Variants in SOBP observed in about 807,000 individuals in gnomAD.
SOBP encodes sine oculis binding protein homolog.
A neutral mutation model predicts 53.6 loss-of-function variants in SOBP; 4 were observed. The ratio of observed to expected loss-of-function variants is 0.07; its 90% CI spans 0.04 to 0.17. SOBP has a LOEUF of 0.17. Ranked by LOEUF, SOBP falls within the 10% of genes least tolerant of loss-of-function variation. The pLI is 1.00. For synonymous variants in SOBP, 584 were observed against 522.6 expected, an observed-to-expected ratio of 1.12 and a Z score of -1.60; for missense variants, 1,088 against 1,204.7, an observed-to-expected ratio of 0.90 and a Z score of 1.43.
At chr6:107,641,686 G>T (rs1771327232) in intron 6 of SOBP, among the ~76,000 whole-genome samples, 1 of 152,194 alleles carries the variant, frequency 6.6e-6, no homozygotes, top group African/African-American at 2.4e-5. Context: ...TCCCTGACTG[G>T]TTTCCAATGA....
At chr6:107,512,421 TG>T in intron 3 of SOBP, among the ~76,000 whole-genome samples, 1 of 152,252 alleles carries the variant, frequency 6.6e-6, no homozygotes. Context: ...TGGCCTTCTC[TG>T]GTTTTAATTG....
At chr6:107,530,171 A>G (rs1023864658) in intron 3 of SOBP, among the ~76,000 whole-genome samples, 10 of 152,196 alleles carry the variant, frequency 6.6e-5, no homozygotes, top group Non-Finnish European at 1.0e-4. Context: ...AATGTAAGAC[A>G]GGTAATTAGG....
chr6:107,634,846 A>G lies in SOBP; in HGVS notation c.2002A>G (p.Ile668Val). 7.1e-7 allele frequency: 1 copy of G among 1,400,490 alleles called. No individual in the cohort carries two copies. Among genetic ancestry groups the G allele is most frequent in the Non-Finnish European group, 9.3e-7 (1 of 1,073,036 alleles). 86.8% of individuals were successfully genotyped at this position (1,400,490 alleles called of 1,614,324 possible). ...CCACCGAGCCCGGCTGCACAACGTG[A>G]TCCACCGCGCGCTGCACGCGCACGT... is the stretch of plus-strand genomic sequence containing the variant. ...VGHRARLHNVIHRALHAHVKA... is the reference protein window; with the variant it reads ...VGHRARLHNVVHRALHAHVKA... The change falls in exon 6 of 7, where the codon ATC becomes GTC. Residue 668 changes from isoleucine to valine, a missense_variant. Coordinates refer to ENST00000317357, the MANE Select transcript of SOBP (RefSeq NM_018013.4). This position sits in a 1 kb window ranked among gnomAD's most constrained non-coding sequence, Gnocchi z 4.5.
At chr6:107,624,231 A>G (rs1450826823) in intron 5 of SOBP, among the ~76,000 whole-genome samples, 1 of 152,256 alleles carries the variant, frequency 6.6e-6, no homozygotes, top group Non-Finnish European at 1.5e-5. Flanking sequence ...GAAGAATTCC[A>G]CTGGACTCTC....
chr6:107,617,483 G>C (rs1786835963), intron 5 of SOBP, among the ~76,000 whole-genome samples: 1 of 152,196 alleles, frequency 6.6e-6, no homozygotes, highest in African/African-American at 2.4e-5. Context: ...CATCAAAGAT[G>C]TCTTAAGCTA....
chr6:107,521,882 T>A lies in SOBP; in HGVS notation c.422-11577T>A, dbSNP rs181793520. The stretch of plus-strand genomic sequence containing the variant: ...TATGCTCCTGTCTTAACCTGGCTCA[T>A]AGTCTGGTGGAAGAGACAGACATTA... On this transcript the variant is annotated intron_variant, in intron 3 of 6. Coordinates refer to ENST00000317357, the MANE Select transcript of SOBP (RefSeq NM_018013.4). Among the ~76,000 whole-genome samples the A allele has an allele frequency of 6.1e-4, 91 of 149,104 alleles. 1 individual carries two copies. The South Asian group carries it at 8.9e-3, about 15-fold the overall frequency.
intron 4 of SOBP, among the ~76,000 whole-genome samples, chr6:107,541,986 G>A (rs922184217): frequency 1.3e-5 from 2 of 151,030 alleles, no homozygotes; most frequent in African/African-American, 2.4e-5. Flanking sequence ...AAGATATATT[G>A]AGCCTGTATA....
chr6:107,545,129 A>G (rs1470632838), intron 4 of SOBP, among the ~76,000 whole-genome samples: 2 of 152,218 alleles, frequency 1.3e-5, no homozygotes, highest in African/African-American at 4.8e-5. Context: ...AGAATAGTGT[A>G]ATTACTGTCT....
intron 3 of SOBP, among the ~76,000 whole-genome samples, chr6:107,523,358 G>A (rs933953286): frequency 6.6e-6 from 1 of 152,242 alleles, no homozygotes; most frequent in Non-Finnish European, 1.5e-5. Flanking sequence ...ATTTAAAGGT[G>A]AGAAGAGTGA....
rs567072538 is a variant in SOBP, at chr6:107,512,108, A to G, written c.421+5681A>G. 7.2e-5 allele frequency among the ~76,000 whole-genome samples: 11 copies of G among 152,322 alleles called. 1 individual carries two copies. In the East Asian group the frequency reaches 1.5e-3, roughly 21 times the overall value. ...ATATTAGAAAATAATAAAAGTATTGACCAACACTTTCTTTTTGTGCAAACA... is the reference window on the plus strand; with the variant it reads ...ATATTAGAAAATAATAAAAGTATTGGCCAACACTTTCTTTTTGTGCAAACA... On this transcript the variant is annotated intron_variant, in intron 3 of 6. Coordinates refer to ENST00000317357, the MANE Select transcript of SOBP (RefSeq NM_018013.4).
chr6:107,491,743 A>G (rs1381366796), intron 1 of SOBP, among the ~76,000 whole-genome samples: 4 of 152,182 alleles, frequency 2.6e-5, no homozygotes, highest in Non-Finnish European at 5.9e-5. Flanking sequence ...GGTGTTCCCC[A>G]TCTTCTGCAT....
intron 4 of SOBP, among the ~76,000 whole-genome samples, chr6:107,551,451 A>G (rs1469919683): frequency 6.6e-6 from 1 of 152,190 alleles, no homozygotes. Flanking sequence ...GTTTCACAGA[A>G]TCTAAGTCAC....
Position 107,614,103 on chromosome 6 carries a change from T to A in SOBP, c.670-19411T>A, listed in dbSNP as rs568337814. ...TGATGGTCTGGATGTTATGATGCCTTAAGTACAGTAGGAGTAAGGCAGGCG... is the reference window on the plus strand; with the variant it reads ...TGATGGTCTGGATGTTATGATGCCTAAAGTACAGTAGGAGTAAGGCAGGCG... On this transcript the variant is annotated intron_variant, in intron 5 of 6. Transcript: ENST00000317357. Among the ~76,000 whole-genome samples the A allele has an allele frequency of 1.0e-3, 153 of 152,314 alleles. 1 individual carries two copies. Among genetic ancestry groups the A allele is most frequent in the South Asian group, 1.9e-3 (9 of 4,824 alleles).
At position 107,508,957 on chromosome 6, in the gene SOBP, A is replaced by T. The variant is rs1045442667; in HGVS notation, c.421+2530A>T. On this transcript the variant is annotated intron_variant, in intron 3 of 6. Coordinates refer to ENST00000317357, the MANE Select transcript of SOBP (RefSeq NM_018013.4). ...AAGTACATGGGGTTCAGATTCAGAC[A>T]GATTGGGTTCAAATCTAGGCTTTGT... Among the ~76,000 whole-genome samples the T allele has an allele frequency of 2.8e-4, 42 of 152,210 alleles. 1 individual carries two copies. Among genetic ancestry groups the T allele is most frequent in the Non-Finnish European group, 1.5e-5 (1 of 68,038 alleles).
chr6:107,548,550 A>G (rs746414238), intron 4 of SOBP, among the ~76,000 whole-genome samples: 54 of 152,098 alleles, frequency 3.6e-4, no homozygotes, highest in African/African-American at 1.3e-3. Flanking sequence ...CCAACCTATA[A>G]TATAATTTTC....
chr6:107,651,296 G>A (rs1242440610), intron 6 of SOBP, among the ~76,000 whole-genome samples: 1 of 152,150 alleles, frequency 6.6e-6, no homozygotes, highest in Admixed American at 6.6e-5. Flanking sequence ...CTACTCCAGT[G>A]AAGACACAAA....
At chr6:107,529,214 C>T (rs1400512723) in intron 3 of SOBP, among the ~76,000 whole-genome samples, 1 of 152,154 alleles carries the variant, frequency 6.6e-6, no homozygotes, top group African/African-American at 2.4e-5. Flanking sequence ...AAAGGAATTT[C>T]TTTTTTGCAG....
intron 3 of SOBP, among the ~76,000 whole-genome samples, chr6:107,511,945 T>C (rs987433984): frequency 3.3e-5 from 5 of 151,920 alleles, no homozygotes; most frequent in African/African-American, 1.2e-4. Flanking sequence ...GCTTTTGCTT[T>C]CCCCCTCCCC....
At chr6:107,613,667 C>G (rs185779612) in intron 5 of SOBP, among the ~76,000 whole-genome samples, 1 of 152,340 alleles carries the variant, frequency 6.6e-6, no homozygotes, top group Admixed American at 6.5e-5. Context: ...CAAAGACCTT[C>G]TTAACTAATT....
Sources: gnomAD v4.1 joint callset for allele counts (sites outside exome capture counted in the v4.1 genomes callset) on GRCh38, gnomAD v4.1.1 for gene constraint, Gnocchi (gnomAD v3.1) non-coding constraint, MANE v1.5 for transcripts, NCBI Gene and HGNC (gene_info 2026-07-23, HGNC 2026-07-21) for gene names.